Variants in ARHGEF1 observed in about 807,000 individuals in gnomAD.
ARHGEF1 encodes Rho guanine nucleotide exchange factor 1, also known as 115 kDa guanine nucleotide exchange factor.
Under a neutral mutation model 119.7 loss-of-function variants are expected in ARHGEF1, and 40 were observed. That is an observed-to-expected ratio of 0.33 (90% CI 0.26 to 0.44). ARHGEF1 has a LOEUF of 0.44. Among genes scored for constraint, ARHGEF1 ranks in the 20% least tolerant of loss-of-function variants. ARHGEF1 has a pLI of 1.00. For synonymous variants in ARHGEF1, 494 were observed against 521.0 expected (o/e 0.95, Z 0.71); for missense variants, 976 against 1,268.3 (o/e 0.77, Z 3.50).
intron 1 of ARHGEF1, among the ~76,000 whole-genome samples, chr19:41,886,902 A>G (rs1204499609): frequency 2.0e-5 from 3 of 152,142 alleles, no homozygotes; most frequent in African/African-American, 7.2e-5. Context: ...GCTCCTTCCC[A>G]CCTGACACGG....
intron 18 of ARHGEF1, among the ~76,000 whole-genome samples, chr19:41,914,145 C>T (rs2074771923): frequency 6.6e-6 from 1 of 150,592 alleles, no homozygotes; most frequent in Non-Finnish European, 1.5e-5. Flanking sequence ...GGTCTCCCCA[C>T]AGAGGCCCCA....
chr19:41,884,773 C>T (rs1023444853), intron 1 of ARHGEF1, among the ~76,000 whole-genome samples: 1 of 152,154 alleles, frequency 6.6e-6, no homozygotes, highest in African/African-American at 2.4e-5. Context: ...GCTCTATAGA[C>T]CATGGGTCTC....
At chr19:41,925,424 C>G (rs2074865910) in intron 1 of ARHGEF1, among the ~76,000 whole-genome samples, 1 of 151,870 alleles carries the variant, frequency 6.6e-6, no homozygotes, top group Admixed American at 6.6e-5. Flanking sequence ...GACTCCTGCC[C>G]CAAACGTGTG....
intron 13 of ARHGEF1, 134 bp from the exon 14 acceptor site, chr19:41,898,308 C>A: frequency 1.4e-6 from 2 of 1,400,264 alleles, no homozygotes; most frequent in Non-Finnish European, 1.9e-6. Context: ...GATCTAGAGA[C>A]CTGGTCTGCT....
intron 9 of ARHGEF1, 23 bp from the exon 10 acceptor site, chr19:41,894,428 T>G: frequency 1.9e-6 from 3 of 1,538,490 alleles, no homozygotes; most frequent in South Asian, 1.3e-5. Flanking sequence ...CTTAGCCTGG[T>G]CTTCCTCCCC....
Position 41,904,040 on chromosome 19 carries a change from G to C in ARHGEF1, c.1923G>C (p.Leu641=). ...SDPMLSEFKN[L]DITKKKLVHE... ...ATCACCCCCTCCTGCCCCAGAACCT[G>C]GACATCACCAAGAAGAAATTGGTCC... The change falls in exon 21 of 29, where the codon CTG becomes CTC. Residue 641 remains leucine (L), a synonymous_variant. Coordinates refer to ENST00000354532, the MANE Select transcript of ARHGEF1 (RefSeq NM_004706.4). This position sits in a 1 kb window ranked among gnomAD's most constrained non-coding sequence, Gnocchi z 8.4. The C allele has an allele frequency of 1.2e-6, 2 of 1,614,046 alleles. No individual in the cohort carries two copies. The highest frequency in any genetic ancestry group is 1.7e-6 in the Non-Finnish European group (2 of 1,180,012).
downstream of ARHGEF1, chr19:41,908,253 G>A (rs2074729731): frequency 1.6e-6 from 2 of 1,231,540 alleles, no homozygotes; most frequent in South Asian, 4.1e-5. The surrounding 1 kb of genome is among the most constrained non-coding windows in gnomAD (Gnocchi z 6.7). Flanking sequence ...CCCTTTGCCC[G>A]CCTTTGCCTT....
Position 41,917,913 on chromosome 19 carries a change from G to A in ARHGEF1, c.1866-5179G>A, listed in dbSNP as rs909762820. On this transcript the variant is annotated intron_variant, in intron 18 of 20. Transcript: ENST00000599589. This position sits in a 1 kb window ranked among gnomAD's most constrained non-coding sequence, Gnocchi z 4.8. ...TCTGGGTGCACGAAGCCAGCTCCCCGCGGTCACACACTGTGTGTGTGTGTG... is the reference window on the plus strand; with the variant it reads ...TCTGGGTGCACGAAGCCAGCTCCCCACGGTCACACACTGTGTGTGTGTGTG... 6.6e-6 allele frequency among the ~76,000 whole-genome samples: 1 copy of A among 151,976 alleles called. No homozygotes were observed. Among genetic ancestry groups the A allele is most frequent in the East Asian group, 1.9e-4 (1 of 5,160 alleles).
At position 41,903,472 on chromosome 19, in the gene ARHGEF1, C is replaced by T; in HGVS notation, c.1839+65C>T. Reference sequence around the variant, plus strand: ...TGTGAGAGCAGGGGGTGGACCCTACCTCAGCCTGTCCAGAAGTCACACCCC... The same window carrying T: ...TGTGAGAGCAGGGGGTGGACCCTACTTCAGCCTGTCCAGAAGTCACACCCC... On this transcript the variant is annotated intron_variant, in intron 19 of 28. Transcript: ENST00000354532. This position sits in a 1 kb window ranked among gnomAD's most constrained non-coding sequence, Gnocchi z 4.2. 6 of 1,487,310 alleles carry T rather than the reference C, an allele frequency of 4.0e-6. No homozygotes were observed. The highest frequency in any genetic ancestry group is 5.6e-6 in the Non-Finnish European group (6 of 1,074,180). 92.1% of individuals were successfully genotyped at this position (1,487,310 alleles called of 1,614,324 possible).
At position 41,916,020 on chromosome 19, in the gene ARHGEF1, C is replaced by G. The variant is rs1412474853; in HGVS notation, c.1866-7072C>G. Among the ~76,000 whole-genome samples, 3 of 152,018 alleles carry G rather than the reference C, an allele frequency of 2.0e-5. No individual in the cohort carries two copies. Among genetic ancestry groups the G allele is most frequent in the East Asian group, 3.9e-4 (2 of 5,192 alleles). ...AATTTTATTTTGCTTCCTCCACCCC[C>G]CCTTCGCCCCCCATCTCTACCGCCC... On this transcript the variant is annotated intron_variant, in intron 18 of 20. Transcript: ENST00000599589. This position sits in a 1 kb window ranked among gnomAD's most constrained non-coding sequence, Gnocchi z 5.4.
chr19:41,904,578 T>C lies in ARHGEF1; in HGVS notation c.2161+195T>C, dbSNP rs2074659216. On this transcript the variant is annotated intron_variant, in intron 22 of 28. Transcript: ENST00000354532. The surrounding 1 kb of genome is among the most constrained non-coding windows in gnomAD (Gnocchi z 8.4). ...AGTGAGGTAGGAACTGCTGCAGGTG[T>C]TTGCACAGAGGCGTGTCTTGTGTAA... 6.6e-6 allele frequency among the ~76,000 whole-genome samples: 1 copy of C among 151,830 alleles called. No homozygotes were observed. Among genetic ancestry groups the C allele is most frequent in the Non-Finnish European group, 1.5e-5 (1 of 67,976 alleles).
intron 13 of ARHGEF1, chr19:41,897,934 C>T: frequency 1.5e-6 from 2 of 1,300,106 alleles, no homozygotes; most frequent in Non-Finnish European, 1.9e-6. Flanking sequence ...TGTCCTTGGC[C>T]TCGGGGTCCA....
At chr19:41,910,242 T>TC, downstream of ARHGEF1, 1 of 803,020 alleles carries the variant, frequency 1.2e-6, no homozygotes, top group Non-Finnish European at 1.9e-6. The surrounding 1 kb of genome is among the most constrained non-coding windows in gnomAD (Gnocchi z 4.4). Flanking sequence ...ACTCCAAACC[T>TC]CCTCCCTTTG....
At chr19:41,909,461 TGTA>T, downstream of ARHGEF1, 1 of 1,241,690 alleles carries the variant, frequency 8.1e-7, no homozygotes, top group South Asian at 4.0e-5. This position sits in a 1 kb window ranked among gnomAD's most constrained non-coding sequence, Gnocchi z 5.2. Flanking sequence ...ATCCGCTTGT[TGTA>T]GTAGTAACTG....
Position 41,905,259 on chromosome 19 carries a change from C to G in ARHGEF1, c.2334C>G (p.Ser778Arg). ...GCCCTAAGCCCCGGCCCAGCCCGAG[C>G]AGGTGAGGGGGGCCATGGAGAGAGC... is the stretch of plus-strand genomic sequence containing the variant. ...ASRPKPRPSP[S>R]STREPLLSSS... Residue 778 changes from serine to arginine, a missense_variant and splice_region_variant, in exon 24 of 29, where the codon AGC (serine) becomes AGG (arginine). Transcript: ENST00000354532. This position sits in a 1 kb window ranked among gnomAD's most constrained non-coding sequence, Gnocchi z 6.4. 1 of 1,612,266 alleles carries G rather than the reference C, an allele frequency of 6.2e-7. No individual in the cohort carries two copies. The highest frequency in any genetic ancestry group is 8.5e-7 in the Non-Finnish European group (1 of 1,179,238).
chr19:41,908,312 G>A (rs1275542196), downstream of ARHGEF1: 8 of 1,231,366 alleles, frequency 6.5e-6, no homozygotes, highest in South Asian at 4.1e-5. The surrounding 1 kb of genome is among the most constrained non-coding windows in gnomAD (Gnocchi z 6.7). Flanking sequence ...AGCTGCAGCC[G>A]CTGACGTCGG....
At chr19:41,930,068 C>G (rs2074895644) in exon 3 of ARHGEF1, 1 of 152,204 alleles carries the variant, frequency 6.6e-6, no homozygotes, top group Non-Finnish European at 1.5e-5. Flanking sequence ...CACCAAGTAC[C>G]AAGTAAACAC....
In ARHGEF1 at chr19:41,905,491, A is replaced by G. The variant is rs574413206; in HGVS notation, c.2336+230A>G. 6 of 612,998 alleles carry G rather than the reference A, an allele frequency of 9.8e-6. No individual in the cohort carries two copies. Among genetic ancestry groups the G allele is most frequent in the African/African-American group, 7.4e-5 (4 of 53,852 alleles). 38.0% of individuals were successfully genotyped at this position (612,998 alleles called of 1,614,324 possible). ...GTGTGTGCGTGTATGGTGTGTGTGT[A>G]TGCATATGTGTGCATGCGTGTGACA... On this transcript the variant is annotated intron_variant, in intron 24 of 28. Transcript: ENST00000354532. This position sits in a 1 kb window ranked among gnomAD's most constrained non-coding sequence, Gnocchi z 6.4.
At position 41,902,437 on chromosome 19, in the gene ARHGEF1, C is replaced by G; in HGVS notation, c.1497+81C>G. ...GGACGGGTCCTGAGCCCACCCTACT[C>G]CAGTCCCAGGGTCTGGGCTTCCAGC... On this transcript the variant is annotated intron_variant, in intron 16 of 28. Transcript: ENST00000354532. This position sits in a 1 kb window ranked among gnomAD's most constrained non-coding sequence, Gnocchi z 6.5. 1.2e-6 allele frequency: 2 copies of G among 1,611,312 alleles called. No homozygotes were observed. The highest frequency in any genetic ancestry group is 1.7e-6 in the Non-Finnish European group (2 of 1,178,620).
Sources: gnomAD v4.1 joint callset for allele counts (sites outside exome capture counted in the v4.1 genomes callset) on GRCh38, gnomAD v4.1.1 for gene constraint, Gnocchi (gnomAD v3.1) non-coding constraint, MANE v1.5 for transcripts, NCBI Gene and HGNC (gene_info 2026-07-23, HGNC 2026-07-21) for gene names.